The following IMMP2L variants were observed in gnomAD, a reference collection of about 807,000 sequenced individuals.
The protein encoded by IMMP2L is mitochondrial inner membrane protease subunit 2.
IMMP2L carries 18 observed loss-of-function variants against 19.3 expected under a neutral mutation model. The ratio of observed to expected loss-of-function variants is 0.93; its 90% CI spans 0.64 to 1.38. The LOEUF is 1.38. Among genes scored for constraint, IMMP2L ranks in the 40% most tolerant of loss-of-function variants. The pLI, the probability that IMMP2L is intolerant of heterozygous loss-of-function variation, is 0.00. For synonymous variants in IMMP2L, 76 were observed against 73.0 expected (o/e 1.04, Z -0.21); for missense variants, 233 against 218.2 (o/e 1.07, Z -0.43).
intron 2 of IMMP2L, among the ~76,000 whole-genome samples, chr7:111,497,901 T>C (rs1462012249): frequency 6.6e-6 from 1 of 151,612 alleles, no homozygotes; most frequent in Non-Finnish European, 1.5e-5. Context: ...ATTAGTATTA[T>C]ATAATAATAT....
At chr7:111,260,584 ATGTGAAGGTC>A (rs1451933098) in intron 3 of IMMP2L, among the ~76,000 whole-genome samples, 2 of 152,154 alleles carry the variant, frequency 1.3e-5, no homozygotes, top group Non-Finnish European at 2.9e-5. Flanking sequence ...CTATAAGGTA[ATGTGAAGGTC>A]TCTACCTATA....
At chr7:111,529,243 C>T (rs1252573372) in intron 1 of IMMP2L, among the ~76,000 whole-genome samples, 1 of 152,136 alleles carries the variant, frequency 6.6e-6, no homozygotes, top group Non-Finnish European at 1.5e-5. Flanking sequence ...AATAACCTGG[C>T]TCGGCAAACA....
chr7:111,344,306 C>G (rs1436303613), intron 3 of IMMP2L, among the ~76,000 whole-genome samples: 1 of 152,140 alleles, frequency 6.6e-6, no homozygotes, highest in Non-Finnish European at 1.5e-5. Flanking sequence ...ACCTCAGAAC[C>G]TTTATACATG....
chr7:110,778,437 T>G (rs2131064938), intron 5 of IMMP2L, among the ~76,000 whole-genome samples: 1 of 152,136 alleles, frequency 6.6e-6, no homozygotes, highest in Admixed American at 6.6e-5. Context: ...GATGCACGTA[T>G]TCATCATCGT....
intron 5 of IMMP2L, among the ~76,000 whole-genome samples, chr7:110,793,080 G>A (rs756865743): frequency 6.6e-6 from 1 of 152,010 alleles, no homozygotes; most frequent in Non-Finnish European, 1.5e-5. Flanking sequence ...GGGCAGTTGG[G>A]GAAATGGGGA....
At chr7:111,036,915 AGAAAT>A (rs1482590766) in intron 3 of IMMP2L, among the ~76,000 whole-genome samples, 1 of 152,210 alleles carries the variant, frequency 6.6e-6, no homozygotes, top group African/African-American at 2.4e-5. Flanking sequence ...GCAATTAAAA[AGAAAT>A]ATTTTTGTTT....
intron 4 of IMMP2L, among the ~76,000 whole-genome samples, chr7:110,961,869 T>C (rs535382400): frequency 3.3e-4 from 50 of 151,984 alleles, no homozygotes; most frequent in Middle Eastern, 3.4e-3. Flanking sequence ...GGCTAAACTC[T>C]AGAGACTGAA....
At chr7:111,172,116 GA>G (rs1224260489) in intron 3 of IMMP2L, among the ~76,000 whole-genome samples, 1 of 151,390 alleles carries the variant, frequency 6.6e-6, no homozygotes, top group Non-Finnish European at 1.5e-5. Flanking sequence ...ACTACATTGT[GA>G]AGATAAATAA....
intron 3 of IMMP2L, among the ~76,000 whole-genome samples, chr7:111,476,339 G>A (rs186025573): frequency 6.6e-6 from 1 of 152,092 alleles, no homozygotes; most frequent in East Asian, 1.9e-4. Flanking sequence ...AAATAAAATC[G>A]GTGTTTTCAA....
chr7:111,269,594 GTA>G (rs1448416683), intron 3 of IMMP2L, among the ~76,000 whole-genome samples: 4 of 151,866 alleles, frequency 2.6e-5, no homozygotes, highest in African/African-American at 9.7e-5. Flanking sequence ...TCTTCTGTAT[GTA>G]TATGATGTTA....
In IMMP2L at chr7:111,362,065, C is replaced by T. The variant is rs76492323; in HGVS notation, c.239+125173G>A. On this transcript the variant is annotated intron_variant, in intron 3 of 5. Transcript: ENST00000405709. ...CAAATACTGCCATTTTTATATAAAA[C>T]TGTTATACCAGTCTTTTAAGAGTAC... Among the ~76,000 whole-genome samples, 1,491 of 152,072 alleles carry T rather than the reference C, an allele frequency of 9.8e-3. 38 individuals are homozygous for T. Among genetic ancestry groups the T allele is most frequent in the African/African-American group, 0.034 (1,426 of 41,514 alleles).
intron 5 of IMMP2L, among the ~76,000 whole-genome samples, chr7:110,839,751 C>A (rs1370744161): frequency 6.6e-6 from 1 of 152,002 alleles, no homozygotes; most frequent in Non-Finnish European, 1.5e-5. Context: ...TATATGATAT[C>A]TATTCATATT....
At chr7:111,280,829 G>A (rs979882834) in intron 3 of IMMP2L, among the ~76,000 whole-genome samples, 4 of 152,020 alleles carry the variant, frequency 2.6e-5, no homozygotes, top group Non-Finnish European at 5.9e-5. Context: ...CAGGACTTTG[G>A]GAGGCCGAGG....
intron 5 of IMMP2L, among the ~76,000 whole-genome samples, chr7:110,872,552 A>G (rs1808639526): frequency 6.6e-6 from 1 of 152,204 alleles, no homozygotes; most frequent in Non-Finnish European, 1.5e-5. Flanking sequence ...TGGAGCTGCC[A>G]TAATTTTTCT....
At chr7:110,753,212 T>C (rs1797836077) in intron 5 of IMMP2L, among the ~76,000 whole-genome samples, 1 of 152,062 alleles carries the variant, frequency 6.6e-6, no homozygotes, top group Non-Finnish European at 1.5e-5. Flanking sequence ...GGAATCCTTC[T>C]ACCTCAAATA....
rs187725801 is a variant in IMMP2L, at chr7:110,757,676, G to T, written c.409-93955C>A. ...CTTGTCCAGCAGTGGTAACAGCTCT[G>T]CTTTATCAGGCCTGGGATATGCATA... On this transcript the variant is annotated intron_variant, in intron 5 of 5. Transcript: ENST00000405709. The surrounding 1 kb of genome is among the most constrained non-coding windows in gnomAD (Gnocchi z 4.2). 6.0e-3 allele frequency among the ~76,000 whole-genome samples: 910 copies of T among 152,238 alleles called. 7 individuals are homozygous for T. Among genetic ancestry groups the T allele is most frequent in the African/African-American group, 0.017 (701 of 41,576 alleles).
At chr7:111,322,596 A>AT (rs1428585637) in intron 3 of IMMP2L, among the ~76,000 whole-genome samples, 1 of 151,642 alleles carries the variant, frequency 6.6e-6, no homozygotes, top group Non-Finnish European at 1.5e-5. Flanking sequence ...AAGGAACTGA[A>AT]TTTTAAAAAA....
intron 5 of IMMP2L, among the ~76,000 whole-genome samples, chr7:110,765,211 TCTC>T (rs1285357098): frequency 1.3e-5 from 2 of 152,150 alleles, no homozygotes; most frequent in East Asian, 3.8e-4. Context: ...AGTTTTCATT[TCTC>T]CTCATAAAAT....
At chr7:110,809,723 C>T (rs1451505094) in intron 5 of IMMP2L, among the ~76,000 whole-genome samples, 1 of 151,962 alleles carries the variant, frequency 6.6e-6, no homozygotes, top group Non-Finnish European at 1.5e-5. Flanking sequence ...TAAACAATTA[C>T]TACATTTCTC....
Sources: gnomAD v4.1 joint callset for allele counts (sites outside exome capture counted in the v4.1 genomes callset) on GRCh38, gnomAD v4.1.1 for gene constraint, Gnocchi (gnomAD v3.1) non-coding constraint, MANE v1.5 for transcripts, NCBI Gene and HGNC (gene_info 2026-07-23, HGNC 2026-07-21) for gene names.